Variants in EFTUD2 observed in about 807,000 individuals in gnomAD.
EFTUD2 encodes the protein 116 kDa U5 small nuclear ribonucleoprotein component.
In EFTUD2, 9 loss-of-function variants were observed where a neutral mutation model predicts 114.3. The observed-to-expected ratio is 0.08, with a 90% CI of 0.05 to 0.14. The LOEUF is 0.14. Among genes scored for constraint, EFTUD2 ranks in the 10% least tolerant of loss-of-function variants. The probability of loss-of-function intolerance (pLI) is 1.00; values close to 1 mark genes in which losing one functional copy is unlikely to be tolerated. For synonymous variants in EFTUD2, 449 were observed against 462.3 expected (o/e 0.97, Z 0.37); for missense variants, 765 against 1,241.2 (o/e 0.62, Z 5.76).
chr17:44,884,971 T>C (rs1446096232), intron 4 of EFTUD2, among the ~76,000 whole-genome samples: 1 of 152,200 alleles, frequency 6.6e-6, no homozygotes, highest in African/African-American at 2.4e-5. Flanking sequence ...CAGGCTCTGG[T>C]GGATCCAACA....
chr17:44,855,078 C>T lies in EFTUD2; in HGVS notation c.2046-74G>A, dbSNP rs866491557. 6.8e-5 allele frequency: 90 copies of T among 1,324,450 alleles called. 1 individual carries two copies. In the Middle Eastern group the frequency reaches 1.6e-3, roughly 24 times the overall value. 82.0% of individuals were successfully genotyped at this position (1,324,450 alleles called of 1,614,324 possible). Reference sequence around the variant, plus strand: ...AGAGGCATTACTAAGAAAAGGGTAACAAGACGGACAGCTGAGGAAGTGACA... The same window carrying T: ...AGAGGCATTACTAAGAAAAGGGTAATAAGACGGACAGCTGAGGAAGTGACA... On this transcript the variant is annotated intron_variant, in intron 20 of 27. Transcript: ENST00000426333.
At chr17:44,886,437 A>C in intron 3 of EFTUD2, 148 bp downstream of exon 3, 1 of 1,387,518 alleles carries the variant, frequency 7.2e-7, no homozygotes, top group Non-Finnish European at 9.5e-7. Flanking sequence ...TTAAAAAAGG[A>C]TTAACTAAAT....
chr17:44,867,675 G>A, intron 13 of EFTUD2, 132 bp downstream of exon 13: 1 of 634,324 alleles, frequency 1.6e-6, no homozygotes, highest in Non-Finnish European at 2.4e-6. Context: ...GGAACAATTA[G>A]TGACCAACAA....
At chr17:44,876,402 T>TG (rs1420457882) in intron 9 of EFTUD2, among the ~76,000 whole-genome samples, 1 of 152,096 alleles carries the variant, frequency 6.6e-6, no homozygotes, top group Non-Finnish European at 1.5e-5. Context: ...GAAATGGAAT[T>TG]GGGGGTATTA....
intron 13 of EFTUD2, among the ~76,000 whole-genome samples, chr17:44,865,860 G>T (rs1430906426): frequency 6.6e-6 from 1 of 152,102 alleles, no homozygotes; most frequent in African/African-American, 2.4e-5. Context: ...CACCCAGCCT[G>T]GAGTGCAGTG....
chr17:44,867,519 C>G (rs1268598503), intron 13 of EFTUD2, among the ~76,000 whole-genome samples: 1 of 151,976 alleles, frequency 6.6e-6, no homozygotes, highest in African/African-American at 2.4e-5. Flanking sequence ...AGGCTGGTCT[C>G]AAGCTCCTGA....
At chr17:44,890,113 T>C (rs1273058628) in intron 2 of EFTUD2, among the ~76,000 whole-genome samples, 1 of 152,098 alleles carries the variant, frequency 6.6e-6, no homozygotes, top group African/African-American at 2.4e-5. Context: ...GTTCAAGAGA[T>C]TCTCCTGCCT....
In EFTUD2 at chr17:44,850,578, C is replaced by T. The variant is rs1267697014; in HGVS notation, c.*696G>A. On this transcript the variant is annotated 3_prime_UTR_variant, in exon 28 of 28. Coordinates refer to ENST00000426333, the MANE Select transcript of EFTUD2 (RefSeq NM_004247.4). ...GCTGGAAATCAAAGTGCTCTGGCCCCCTACTCCAGGGCAAGGAAGATTCTT... is the reference window on the plus strand; with the variant it reads ...GCTGGAAATCAAAGTGCTCTGGCCCTCTACTCCAGGGCAAGGAAGATTCTT... 1 of 534,892 alleles carries T rather than the reference C, an allele frequency of 1.9e-6. No homozygotes were observed. Among genetic ancestry groups the T allele is most frequent in the African/African-American group, 1.9e-5 (1 of 53,046 alleles). The allele number at this position is 534,892 out of a possible 1,614,324, so 33.1% of individuals were successfully genotyped here.
At chr17:44,886,525 G>C in intron 3 of EFTUD2, 60 bp downstream of exon 3, 1 of 1,591,386 alleles carries the variant, frequency 6.3e-7, no homozygotes, top group Non-Finnish European at 8.6e-7. Flanking sequence ...GGTTTGCTGA[G>C]AGCTATGAAG....
At chr17:44,866,850 G>T (rs9899734) in intron 13 of EFTUD2, among the ~76,000 whole-genome samples, 39,857 of 151,986 alleles carry the variant, frequency 0.26, 5,300 homozygotes, top group Non-Finnish European at 0.28. Context: ...CTGCCTGTAA[G>T]CCCAGCACTT....
At chr17:44,859,638 T>TAC (rs1328056638) in intron 18 of EFTUD2, 4 of 540,286 alleles carry the variant, frequency 7.4e-6, no homozygotes, top group African/African-American at 4.6e-5. Context: ...GGAACACAAA[T>TAC]ACGCACACAC....
intron 18 of EFTUD2, 162 bp downstream of exon 18, chr17:44,859,743 T>C: frequency 2.6e-6 from 3 of 1,154,598 alleles, no homozygotes; most frequent in Non-Finnish European, 2.5e-6. Flanking sequence ...CACACGTGTC[T>C]TGTCCTGCCT....
At chr17:44,897,327 C>T (rs1047073618) in intron 1 of EFTUD2, among the ~76,000 whole-genome samples, 4 of 151,820 alleles carry the variant, frequency 2.6e-5, no homozygotes, top group African/African-American at 9.7e-5. Context: ...CATGCACCTG[C>T]TTCTTCTCTT....
Position 44,853,915 on chromosome 17 carries a change from G to A in EFTUD2, c.2348-280C>T, listed in dbSNP as rs191494441. On this transcript the variant is annotated intron_variant, in intron 23 of 27. Coordinates refer to ENST00000426333, the MANE Select transcript of EFTUD2 (RefSeq NM_004247.4). ...TTCTGCACATATTTACATTTTTGTG[G>A]ATGTAGAATAAATTCCAGAATTGTA... 74 of 1,362,294 alleles carry A rather than the reference G, an allele frequency of 5.4e-5. No homozygotes were observed. The East Asian group carries it at 1.2e-3, about 23-fold the overall frequency. The allele number at this position is 1,362,294 out of a possible 1,614,324, so 84.4% of individuals were successfully genotyped here.
intron 16 of EFTUD2, among the ~76,000 whole-genome samples, chr17:44,861,814 A>T (rs1407880919): frequency 6.6e-6 from 1 of 152,140 alleles, no homozygotes; most frequent in East Asian, 1.9e-4. Flanking sequence ...TGGATTTAAC[A>T]AAAGGGACCA....
chr17:44,852,369 G>A (rs376564993), intron 26 of EFTUD2, 40 bp downstream of exon 26: 3 of 1,611,828 alleles, frequency 1.9e-6, no homozygotes, highest in Non-Finnish European at 2.5e-6. Flanking sequence ...GGCTTGCAGA[G>A]GTGGGAAGCC....
At position 44,854,025 on chromosome 17, in the gene EFTUD2, C is replaced by A; in HGVS notation, c.2347+244G>T. ...GATATCTCTTCTCAAATACGTCCAA[C>A]GCCAAACCCTTCTCAGAAATGAGGA... On this transcript the variant is annotated intron_variant, in intron 23 of 27. Coordinates refer to ENST00000426333, the MANE Select transcript of EFTUD2 (RefSeq NM_004247.4). The surrounding 1 kb of genome is among the most constrained non-coding windows in gnomAD (Gnocchi z 4.3). 1.5e-6 allele frequency: 2 copies of A among 1,372,638 alleles called. No individual in the cohort carries two copies. Among genetic ancestry groups the A allele is most frequent in the Non-Finnish European group, 1.9e-6 (2 of 1,067,736 alleles). 85.0% of individuals were successfully genotyped at this position (1,372,638 alleles called of 1,614,324 possible).
chr17:44,861,436 A>G (rs1056122693), intron 16 of EFTUD2, among the ~76,000 whole-genome samples: 10 of 149,452 alleles, frequency 6.7e-5, no homozygotes, highest in African/African-American at 9.8e-5. Context: ...CAGAGAGAAA[A>G]AAAAAAAAAA....
At chr17:44,892,895 T>C (rs1202373433) in intron 2 of EFTUD2, among the ~76,000 whole-genome samples, 6 of 151,888 alleles carry the variant, frequency 4.0e-5, no homozygotes, top group Admixed American at 3.3e-4. Flanking sequence ...CCCAAAATGC[T>C]GGAATTACAG....
Sources: allele counts gnomAD v4.1 joint callset (sites outside exome capture counted in the v4.1 genomes callset), GRCh38; gene constraint gnomAD v4.1.1; non-coding constraint Gnocchi (gnomAD v3.1); transcripts MANE v1.5; gene names NCBI Gene and HGNC (gene_info 2026-07-23, HGNC 2026-07-21).